Variants in HTD2 observed in about 807,000 individuals in gnomAD.
The protein encoded by HTD2 is hydroxyacyl-thioester dehydratase type 2, also known as hydroxyacyl-thioester dehydratase type 2, mitochondrial.
A neutral mutation model predicts 3.1 loss-of-function variants in HTD2; 1 was observed. That is an observed-to-expected ratio of 0.32 (90% confidence interval 0.11 to 1.52). HTD2 has a LOEUF of 1.52. Among genes scored for constraint, HTD2 ranks in the 40% most tolerant of loss-of-function variants. The pLI is 0.39. For missense variants in HTD2, 150 were observed against 79.6 expected (o/e 1.88, Z -3.36); for synonymous variants, 50 against 28.9 (o/e 1.73, Z -2.34).
chr3:58,309,139 C>T (rs888748317), intron 1 of HTD2, among the ~76,000 whole-genome samples: 4 of 152,200 alleles, frequency 2.6e-5, no homozygotes, highest in East Asian at 1.9e-4. Context: ...GACGGCAGAA[C>T]GACCATCCCT....
Position 58,318,448 on chromosome 3 carries a change from A to T in HTD2, c.*328A>T, listed in dbSNP as rs2097490699. 6.0e-6 allele frequency: 1 copy of T among 167,418 alleles called. No individual in the cohort carries two copies. Among genetic ancestry groups the T allele is most frequent in the Non-Finnish European group, 1.2e-5 (1 of 80,800 alleles). 10.4% of individuals were successfully genotyped at this position (167,418 alleles called of 1,614,324 possible). ...TGCGGCAGGCGGATCACTTGAGGTC[A>T]GGAGTCCAAGACCAGCCTGGCCAAC... On this transcript the variant is annotated 3_prime_UTR_variant, in exon 5 of 5. Coordinates refer to ENST00000461393, the MANE Select transcript of HTD2 (RefSeq NM_001348712.2).
At chr3:58,311,389 A>C (rs552167137) in intron 2 of HTD2, among the ~76,000 whole-genome samples, 32 of 152,302 alleles carry the variant, frequency 2.1e-4, no homozygotes, top group African/African-American at 7.7e-4. Flanking sequence ...TCCTGACCTC[A>C]GGTGATCCAC....
chr3:58,306,641 C>T lies in HTD2; in HGVS notation c.-426C>T, dbSNP rs548075297. Reference sequence around the variant, plus strand: ...CCGTGTCCTGAGCGCTCTCCATGCGCCCGGCGCGAGGTGAGCGCTAAATAG... The same window carrying T: ...CCGTGTCCTGAGCGCTCTCCATGCGTCCGGCGCGAGGTGAGCGCTAAATAG... On this transcript the variant is annotated 5_prime_UTR_variant, in exon 1 of 5. Coordinates refer to ENST00000461393, the MANE Select transcript of HTD2 (RefSeq NM_001348712.2). The T allele has an allele frequency of 3.9e-5, 6 of 151,960 alleles. No homozygotes were observed. Among genetic ancestry groups the T allele is most frequent in the African/African-American group, 7.3e-5 (3 of 41,176 alleles). 9.4% of individuals were successfully genotyped at this position (151,960 alleles called of 1,614,324 possible).
intron 2 of HTD2, among the ~76,000 whole-genome samples, chr3:58,314,675 A>ATTT (rs751757663): frequency 0.21 from 18,886 of 90,820 alleles, 2,648 homozygotes; most frequent in East Asian, 0.54. Context: ...GTTTGGCAGT[A>ATTT]TTTTTTTTTT....
Position 58,312,606 on chromosome 3 carries a change from C to T in HTD2, c.-331+2015C>T, listed in dbSNP as rs575043602. Among the ~76,000 whole-genome samples, 9 of 152,222 alleles carry T rather than the reference C, an allele frequency of 5.9e-5. No individual in the cohort carries two copies. In the East Asian group the frequency reaches 1.7e-3, roughly 29 times the overall value. On this transcript the variant is annotated intron_variant, in intron 2 of 4. Coordinates refer to ENST00000461393, the MANE Select transcript of HTD2 (RefSeq NM_001348712.2). ...AAAGTGTGGCCTAGACTGGCACCTG[C>T]AAACTCTTTTCCCATCTTGAAGAGA... is the stretch of plus-strand genomic sequence containing the variant.
At chr3:58,307,344 T>C (rs1020945531) in intron 1 of HTD2, among the ~76,000 whole-genome samples, 2 of 152,168 alleles carry the variant, frequency 1.3e-5, no homozygotes, top group African/African-American at 2.4e-5. Context: ...CTGGCCGCCG[T>C]AGGGATGGAG....
In HTD2 at chr3:58,310,168, C is replaced by T. The variant is rs1011480384; in HGVS notation, c.-415-339C>T. 1.3e-5 allele frequency: 8 copies of T among 627,992 alleles called. No homozygotes were observed. In the Admixed American group the frequency reaches 2.2e-4, roughly 18 times the overall value. 38.9% of individuals were successfully genotyped at this position (627,992 alleles called of 1,614,324 possible). On this transcript the variant is annotated intron_variant, in intron 1 of 4. Transcript: ENST00000461393. ...GCTGCAGTGAACTCTGATTGTACCA[C>T]TGCACTTCAGCCTAGGTGACAGGGT...
Position 58,317,946 on chromosome 3 carries a change from A to T in HTD2, c.333A>T (p.Glu111Asp). ...PGPGCVFLSQ[E>D]ISFPAPLYIG... ...CAGGCTGTGTATTTCTTTCCCAGGA[A>T]ATTAGCTTTCCAGCCCCTTTATATA... Residue 111 changes from glutamate (E) to aspartate (D), a missense_variant, in exon 5 of 5, where the codon GAA (glutamate) becomes GAT (aspartate). Physicochemically the swap from Glu to Asp is conservative, Grantham distance 45. Transcript: ENST00000461393. 1.4e-6 allele frequency: 1 copy of T among 702,880 alleles called. No individual in the cohort carries two copies. The allele number at this position is 702,880 out of a possible 1,614,324, so 43.5% of individuals were successfully genotyped here.
chr3:58,313,864 C>T (rs1011301295), intron 2 of HTD2, among the ~76,000 whole-genome samples: 2 of 152,026 alleles, frequency 1.3e-5, no homozygotes, highest in Non-Finnish European at 2.9e-5. Context: ...ACCACGTATC[C>T]AACAAAGGAC....
chr3:58,316,777 AC>A, intron 3 of HTD2, 137 bp from the exon 4 acceptor site: 1 of 884,226 alleles, frequency 1.1e-6, no homozygotes, highest in Non-Finnish European at 1.8e-6. Context: ...GGCAAAACTT[AC>A]GATTTGGTTA....
intron 3 of HTD2, 79 bp from the exon 4 acceptor site, chr3:58,316,836 A>C: frequency 8.1e-7 from 1 of 1,233,176 alleles, no homozygotes; most frequent in East Asian, 2.3e-5. Context: ...GTCAGAAGTG[A>C]ATATTTTAGA....
Position 58,316,902 on chromosome 3 carries a change from G to C in HTD2, c.-253-13G>C. 6.2e-7 allele frequency: 1 copy of C among 1,607,836 alleles called. No individual in the cohort carries two copies. The highest frequency in any genetic ancestry group is 8.5e-7 in the Non-Finnish European group (1 of 1,175,786). On this transcript the variant is annotated splice_polypyrimidine_tract_variant and intron_variant, in intron 3 of 4. Transcript: ENST00000461393. ...TCTATGACACACTATGTATTTTCTT[G>C]ATCTTTCTGCAGTGGTCTTGTCAAA...
intron 2 of HTD2, among the ~76,000 whole-genome samples, chr3:58,314,675 A>ATTTTTTTTTTTTTTTTTTTTTTT (rs751757663): frequency 1.8e-4 from 16 of 90,560 alleles, no homozygotes; most frequent in Non-Finnish European, 2.1e-4. Context: ...GTTTGGCAGT[A>ATTTTTTTTTTTTTTTTTTTTTTT]TTTTTTTTTT....
At chr3:58,312,178 C>T (rs1035322605) in intron 2 of HTD2, among the ~76,000 whole-genome samples, 3 of 152,206 alleles carry the variant, frequency 2.0e-5, no homozygotes, top group African/African-American at 7.2e-5. Flanking sequence ...TGGGAAACCT[C>T]CATACTGCTC....
intron 2 of HTD2, chr3:58,315,787 C>G (rs934678425): frequency 6.6e-6 from 1 of 152,408 alleles, no homozygotes. Context: ...AGCGATTCTC[C>G]TGCCTCAGCC....
chr3:58,310,942 G>A (rs1385853561), intron 2 of HTD2, among the ~76,000 whole-genome samples: 1 of 137,686 alleles, frequency 7.3e-6, no homozygotes, highest in African/African-American at 2.8e-5. Flanking sequence ...AAAAAAAATC[G>A]AGAAAGAATG....
rs2107510620 is a variant in HTD2, at chr3:58,317,669, T to C, written c.56T>C (p.Val19Ala). ...TGGTGGGGTGGGCTTCGGAGGACAG[T>C]CTGTCTGAACCTGCCAGTGCTGACC... ...HLWWGGLRRTVCLNLPVLTLQ... is the reference protein window; with the variant it reads ...HLWWGGLRRTACLNLPVLTLQ... Residue 19 changes from valine to alanine, a missense_variant, in exon 5 of 5, where the codon GTC becomes GCC. Transcript: ENST00000461393. 1.4e-6 allele frequency: 1 copy of C among 707,242 alleles called. No individual in the cohort carries two copies. Among genetic ancestry groups the C allele is most frequent in the Admixed American group, 2.0e-5 (1 of 49,998 alleles). 43.8% of individuals were successfully genotyped at this position (707,242 alleles called of 1,614,324 possible).
chr3:58,316,595 T>C lies in HTD2; in HGVS notation c.-254+4T>C, dbSNP rs761867761. On this transcript the variant is annotated splice_donor_region_variant and intron_variant, in intron 3 of 4. Coordinates refer to ENST00000461393, the MANE Select transcript of HTD2 (RefSeq NM_001348712.2). The stretch of plus-strand genomic sequence containing the variant: ...CCATCTTGAGAATATGTAGCAGGTA[T>C]GACAGAGAGTGGGAAATTTCTAGTA... 6.2e-7 allele frequency: 1 copy of C among 1,611,902 alleles called. No homozygotes were observed. Among genetic ancestry groups the C allele is most frequent in the Non-Finnish European group, 8.5e-7 (1 of 1,178,180 alleles).
intron 2 of HTD2, among the ~76,000 whole-genome samples, 196 bp from the exon 3 acceptor site, chr3:58,316,319 C>T (rs2097488245): frequency 2.6e-5 from 4 of 152,206 alleles, no homozygotes; most frequent in Admixed American, 2.0e-4. Flanking sequence ...TGAGAGACAT[C>T]AGCCATATGA....
Sources: gnomAD v4.1 joint callset for allele counts (sites outside exome capture counted in the v4.1 genomes callset) on GRCh38, gnomAD v4.1.1 for gene constraint, MANE v1.5 for transcripts, NCBI Gene and HGNC (gene_info 2026-07-23, HGNC 2026-07-21) for gene names.